RAPGEF2: variants seen among roughly 807,000 people sequenced by gnomAD.
RAPGEF2 encodes the protein PDZ domain containing guanine nucleotide exchange factor (GEF) 1.
RAPGEF2 carries 54 observed loss-of-function variants against 186.7 expected under a neutral mutation model. That is an observed-to-expected ratio of 0.29 (90% CI 0.23 to 0.36). The LOEUF (loss-of-function observed/expected upper bound fraction) is 0.36, where lower values mean the gene tolerates loss of function less well. RAPGEF2 is among the 10% of genes least tolerant of loss of function. The pLI is 1.00. For missense variants in RAPGEF2, 1,532 were observed against 2,045.0 expected (o/e 0.75, Z 4.84); for synonymous variants, 712 against 705.9 (o/e 1.01, Z -0.14).
intron 1 of RAPGEF2, among the ~76,000 whole-genome samples, chr4:159,109,456 G>A (rs538000121): frequency 2.0e-5 from 3 of 152,254 alleles, no homozygotes; most frequent in South Asian, 2.1e-4. Flanking sequence ...CAATTTCCTC[G>A]TCGGTAAAAT....
chr4:159,199,835 C>A (rs1749214544), intron 3 of RAPGEF2, among the ~76,000 whole-genome samples: 1 of 151,974 alleles, frequency 6.6e-6, no homozygotes, highest in East Asian at 1.9e-4. Flanking sequence ...TTTCTGAGAC[C>A]CAGGTGACTC....
intron 7 of RAPGEF2, among the ~76,000 whole-genome samples, chr4:159,252,247 G>T (rs1170167565): frequency 6.6e-6 from 1 of 152,076 alleles, no homozygotes; most frequent in Non-Finnish European, 1.5e-5. Context: ...ACAGGGTTTC[G>T]CCATATTGCC....
chr4:159,341,690 T>A lies in RAPGEF2; in HGVS notation c.2661T>A (p.Ser887=), dbSNP rs774507448. ...CTGTGGAAGTTGCAACACAGCTCTCTATGCGAAATTTTGAACTCTTTCGCA... is the reference window on the plus strand; with the variant it reads ...CTGTGGAAGTTGCAACACAGCTCTCAATGCGAAATTTTGAACTCTTTCGCA... The part of the protein sequence containing the change: ...LSTVEVATQL[S]MRNFELFRNI... The change falls in exon 20 of 30, where the codon TCT becomes TCA. Residue 887 remains serine, a synonymous_variant. Coordinates refer to ENST00000691494, the MANE Select transcript of RAPGEF2 (RefSeq NM_001394067.2). The A allele has an allele frequency of 2.5e-6, 4 of 1,614,136 alleles. No homozygotes were observed. The highest frequency in any genetic ancestry group is 3.4e-6 in the Non-Finnish European group (4 of 1,179,962).
chr4:159,253,316 T>C (rs1263840754), intron 7 of RAPGEF2, among the ~76,000 whole-genome samples: 2 of 152,224 alleles, frequency 1.3e-5, no homozygotes. Context: ...AATTGCACAA[T>C]GAAAGGATCT....
chr4:159,134,331 G>T (rs1406769791), intron 1 of RAPGEF2, among the ~76,000 whole-genome samples: 1 of 152,104 alleles, frequency 6.6e-6, no homozygotes. Flanking sequence ...TCTTTTTATT[G>T]CTGAATAGTA....
At chr4:159,197,322 A>G (rs1328217171) in intron 3 of RAPGEF2, among the ~76,000 whole-genome samples, 1 of 152,212 alleles carries the variant, frequency 6.6e-6, no homozygotes, top group African/African-American at 2.4e-5. Context: ...AGCTATCTTC[A>G]CAAATAGTGA....
intron 9 of RAPGEF2, among the ~76,000 whole-genome samples, chr4:159,317,057 C>T (rs140923152): frequency 6.6e-6 from 1 of 152,180 alleles, no homozygotes; most frequent in Non-Finnish European, 1.5e-5. Flanking sequence ...TGAACTGAAT[C>T]TGTTGGAATT....
intron 8 of RAPGEF2, among the ~76,000 whole-genome samples, chr4:159,311,275 T>C (rs1404176711): frequency 1.3e-5 from 2 of 152,168 alleles, no homozygotes; most frequent in African/African-American, 4.8e-5. Context: ...AATTGGTGTA[T>C]GAACCAGTTG....
intron 1 of RAPGEF2, among the ~76,000 whole-genome samples, chr4:159,111,560 A>G (rs965775215): frequency 6.6e-6 from 1 of 152,206 alleles, no homozygotes; most frequent in Non-Finnish European, 1.5e-5. Flanking sequence ...GGTAGAGAAC[A>G]CTGAACGAGA....
At chr4:159,249,313 CT>C (rs1579602126) in intron 7 of RAPGEF2, among the ~76,000 whole-genome samples, 2 of 123,000 alleles carry the variant, frequency 1.6e-5, no homozygotes, top group African/African-American at 6.3e-5. Context: ...GAAAAATCTA[CT>C]TTGATATTCA....
intron 4 of RAPGEF2, among the ~76,000 whole-genome samples, chr4:159,233,593 A>G (rs1752883851): frequency 6.6e-6 from 1 of 152,084 alleles, no homozygotes; most frequent in East Asian, 1.9e-4. Flanking sequence ...AGGCATAATA[A>G]TGACACAATG....
At chr4:159,290,988 A>C (rs181617553) in intron 7 of RAPGEF2, among the ~76,000 whole-genome samples, 1 of 152,368 alleles carries the variant, frequency 6.6e-6, no homozygotes, top group Admixed American at 6.5e-5. Context: ...AATCCTTAGA[A>C]ATAAATCCTA....
At chr4:159,330,124 G>A in intron 12 of RAPGEF2, 114 bp downstream of exon 12, 2 of 1,134,748 alleles carry the variant, frequency 1.8e-6, no homozygotes, top group Non-Finnish European at 2.5e-6. Flanking sequence ...GTTATCAGTT[G>A]TGAAAAATCT....
intron 7 of RAPGEF2, among the ~76,000 whole-genome samples, chr4:159,300,432 A>G (rs1762513118): frequency 6.6e-6 from 1 of 151,862 alleles, no homozygotes; most frequent in Non-Finnish European, 1.5e-5. Context: ...TAATATATTT[A>G]TATAATCGAA....
At position 159,177,253 on chromosome 4, in the gene RAPGEF2, G is replaced by A. The variant is rs140371888; in HGVS notation, c.70-9389G>A. Among the ~76,000 whole-genome samples the A allele has an allele frequency of 2.2e-3, 329 of 149,110 alleles. 2 individuals carry two copies. The highest frequency in any genetic ancestry group is 7.5e-3 in the African/African-American group (305 of 40,584). ...TTTGGCATACAGACACATCATAAAA[G>A]GATACATTAATTTGTAAAAATTCTG... On this transcript the variant is annotated intron_variant, in intron 1 of 29. Transcript: ENST00000691494.
intron 10 of RAPGEF2, among the ~76,000 whole-genome samples, chr4:159,322,917 T>C (rs533441125): frequency 1.6e-4 from 25 of 152,326 alleles, no homozygotes; most frequent in South Asian, 1.2e-3. Flanking sequence ...CACCAGATCC[T>C]TCCCACAACA....
intron 8 of RAPGEF2, among the ~76,000 whole-genome samples, chr4:159,310,558 C>A (rs1763837494): frequency 6.6e-6 from 1 of 151,924 alleles, no homozygotes; most frequent in East Asian, 1.9e-4. Context: ...GAACTGTGTT[C>A]ACAATAGCAG....
At chr4:159,162,816 ACC>A (rs901693727) in intron 1 of RAPGEF2, among the ~76,000 whole-genome samples, 2 of 152,294 alleles carry the variant, frequency 1.3e-5, no homozygotes, top group African/African-American at 4.8e-5. Flanking sequence ...TCAGTCTGTT[ACC>A]CACAGTGCCA....
In RAPGEF2 at chr4:159,143,289, A is replaced by C. The variant is rs79037779; in HGVS notation, c.69+39058A>C. ...CCAAAAAAAACCAAAAAAACGAAAAAAACTTTGTTTTTTTCTTTTCTGCAA... is the reference window on the plus strand; with the variant it reads ...CCAAAAAAAACCAAAAAAACGAAAACAACTTTGTTTTTTTCTTTTCTGCAA... On this transcript the variant is annotated intron_variant, in intron 1 of 29. Transcript: ENST00000691494. Among the ~76,000 whole-genome samples, 694 of 152,062 alleles carry C rather than the reference A, an allele frequency of 4.6e-3. 7 individuals are homozygous for C. Among genetic ancestry groups the C allele is most frequent in the African/African-American group, 0.016 (651 of 41,472 alleles).
Sources: allele counts gnomAD v4.1 joint callset (sites outside exome capture counted in the v4.1 genomes callset), GRCh38; gene constraint gnomAD v4.1.1; transcripts MANE v1.5; gene names NCBI Gene and HGNC (gene_info 2026-07-23, HGNC 2026-07-21).